Variants in PEMT observed in about 807,000 individuals in gnomAD.
The protein encoded by PEMT is phosphatidylethanolamine N-methyltransferase.
A neutral mutation model predicts 27.4 loss-of-function variants in PEMT; 23 were observed. That is an observed-to-expected ratio of 0.84 (90% CI 0.60 to 1.19). The LOEUF is 1.19. PEMT is among the 50% of genes most tolerant of loss of function. The pLI is 0.00. For synonymous variants in PEMT, 137 were observed against 139.1 expected (o/e 0.98, Z 0.11); for missense variants, 307 against 310.1 (o/e 0.99, Z 0.07).
intron 2 of PEMT, among the ~76,000 whole-genome samples, chr17:17,571,558 G>A (rs1052610473): frequency 2.0e-5 from 3 of 152,108 alleles, no homozygotes; most frequent in African/African-American, 4.8e-5. Flanking sequence ...GTGCTGATGA[G>A]CAGAAGCGGG....
intron 2 of PEMT, among the ~76,000 whole-genome samples, chr17:17,557,902 C>T (rs946339900): frequency 1.4e-4 from 22 of 152,296 alleles, no homozygotes; most frequent in Non-Finnish European, 2.5e-4. Context: ...CATCTCTAAG[C>T]GAATGGCCAG....
At chr17:17,586,423 C>T (rs1408230996) in intron 1 of PEMT, among the ~76,000 whole-genome samples, 1 of 152,108 alleles carries the variant, frequency 6.6e-6, no homozygotes, top group Admixed American at 6.6e-5. Context: ...AAACAGATCA[C>T]ACTTGGGGCC....
At chr17:17,516,021 C>G (rs1906797234) in intron 3 of PEMT, among the ~76,000 whole-genome samples, 2 of 152,190 alleles carry the variant, frequency 1.3e-5, no homozygotes, top group Admixed American at 1.3e-4. Context: ...ACACACCAGG[C>G]CAGAGGCACA....
At chr17:17,522,212 G>T in intron 3 of PEMT, 68 bp downstream of exon 3, 1 of 1,145,750 alleles carries the variant, frequency 8.7e-7, no homozygotes, top group Admixed American at 1.8e-5. Context: ...GAGGGATGAG[G>T]TACCACCAGT....
intron 2 of PEMT, among the ~76,000 whole-genome samples, chr17:17,528,632 G>A (rs976537564): frequency 8.5e-5 from 13 of 152,198 alleles, no homozygotes; most frequent in Non-Finnish European, 1.6e-4. Flanking sequence ...CGTCCCCGGG[G>A]CAGCAGGGAG....
At chr17:17,576,395 C>T (rs934466869) in intron 2 of PEMT, among the ~76,000 whole-genome samples, 6 of 152,216 alleles carry the variant, frequency 3.9e-5, no homozygotes, top group Admixed American at 2.0e-4. Context: ...CAACTCATGC[C>T]GGCTTGCTCC....
At chr17:17,514,575 C>T (rs1906667271) in intron 3 of PEMT, among the ~76,000 whole-genome samples, 1 of 152,246 alleles carries the variant, frequency 6.6e-6, no homozygotes, top group South Asian at 2.1e-4. Flanking sequence ...ACCCCCAGCT[C>T]TCCACCCACC....
At chr17:17,511,035 AC>A (rs967053903) in intron 4 of PEMT, among the ~76,000 whole-genome samples, 21 of 148,398 alleles carry the variant, frequency 1.4e-4, no homozygotes, top group African/African-American at 4.0e-4. Context: ...CCTTGCTGGG[AC>A]CCCCCCTATG....
At chr17:17,547,749 C>G (rs1909362267) in intron 2 of PEMT, among the ~76,000 whole-genome samples, 1 of 152,106 alleles carries the variant, frequency 6.6e-6, no homozygotes, top group Admixed American at 6.6e-5. Flanking sequence ...TCCTCATGCT[C>G]AAGGACAGAA....
At position 17,512,991 on chromosome 17, in the gene PEMT, C is replaced by T. The variant is rs1906534309; in HGVS notation, c.321-337G>A. Among the ~76,000 whole-genome samples, 1 of 152,234 alleles carries T rather than the reference C, an allele frequency of 6.6e-6. No individual in the cohort carries two copies. Among genetic ancestry groups the T allele is most frequent in the East Asian group, 1.9e-4 (1 of 5,192 alleles). ...GAGCAGGCTGGATTCAGCCCGAAGG[C>T]CACCAGCTTGCAAACTCTCATCCTG... On this transcript the variant is annotated intron_variant, in intron 3 of 6. Coordinates refer to ENST00000255389, the MANE Select transcript of PEMT (RefSeq NM_148172.3). The surrounding 1 kb of genome is among the most constrained non-coding windows in gnomAD (Gnocchi z 6.3).
intron 3 of PEMT, among the ~76,000 whole-genome samples, chr17:17,515,889 T>G (rs892833815): frequency 2.0e-5 from 3 of 152,234 alleles, no homozygotes; most frequent in Non-Finnish European, 2.9e-5. Context: ...CAGTCATTAA[T>G]GTGATTTGAG....
At chr17:17,568,762 G>A (rs73298579) in intron 2 of PEMT, among the ~76,000 whole-genome samples, 4,234 of 152,274 alleles carry the variant, frequency 0.028, 152 homozygotes, top group African/African-American at 0.083. Context: ...AGGGTGGTAG[G>A]CAGGTGAGGG....
At chr17:17,583,829 CA>C (rs1912101395) in intron 1 of PEMT, among the ~76,000 whole-genome samples, 1 of 152,206 alleles carries the variant, frequency 6.6e-6, no homozygotes, top group Non-Finnish European at 1.5e-5. Flanking sequence ...AAGCCCTGGG[CA>C]GCAAAAACCA....
At chr17:17,557,869 C>T (rs962199534) in intron 2 of PEMT, among the ~76,000 whole-genome samples, 8 of 152,208 alleles carry the variant, frequency 5.3e-5, no homozygotes, top group Admixed American at 5.2e-4. Flanking sequence ...TCACCCTCCC[C>T]AGGGTTTACT....
chr17:17,530,277 C>T (rs10401038), intron 2 of PEMT, among the ~76,000 whole-genome samples: 2 of 152,094 alleles, frequency 1.3e-5, no homozygotes, highest in African/African-American at 4.8e-5. Context: ...GGGCGGATCA[C>T]CTGAGGTCAG....
chr17:17,563,293 A>G (rs1910614754), intron 2 of PEMT, among the ~76,000 whole-genome samples: 1 of 152,186 alleles, frequency 6.6e-6, no homozygotes, highest in South Asian at 2.1e-4. Flanking sequence ...TTCTGGGCAG[A>G]CACCTGGTCT....
At chr17:17,574,282 C>T (rs1459210451) in intron 2 of PEMT, among the ~76,000 whole-genome samples, 1 of 138,008 alleles carries the variant, frequency 7.2e-6, no homozygotes, top group Non-Finnish European at 1.5e-5. Flanking sequence ...GCCAAACACA[C>T]AGACACATGC....
chr17:17,528,863 C>T (rs1270961193), intron 2 of PEMT, among the ~76,000 whole-genome samples: 4 of 152,244 alleles, frequency 2.6e-5, no homozygotes, highest in Admixed American at 6.5e-5. Context: ...TCCCCTAGGC[C>T]GGCCCCGATG....
intron 1 of PEMT, chr17:17,591,293 G>T: frequency 1.8e-6 from 1 of 543,824 alleles, no homozygotes; most frequent in Non-Finnish European, 3.3e-6. Context: ...GACGAGCTCA[G>T]GAACGCCCCC....
Sources: allele counts gnomAD v4.1 joint callset (sites outside exome capture counted in the v4.1 genomes callset), GRCh38; gene constraint gnomAD v4.1.1; non-coding constraint Gnocchi (gnomAD v3.1); transcripts MANE v1.5; gene names NCBI Gene and HGNC (gene_info 2026-07-23, HGNC 2026-07-21).